Variants in FBXL13 observed in about 807,000 individuals in gnomAD.
FBXL13 encodes F-box and leucine-rich repeat protein 13.
In FBXL13, 67 loss-of-function variants were observed where a neutral mutation model predicts 83.6. The ratio of observed to expected loss-of-function variants is 0.80; its 90% CI spans 0.66 to 0.98. The LOEUF (loss-of-function observed/expected upper bound fraction) is 0.98, where lower values mean the gene tolerates loss of function less well. Among genes scored for constraint, FBXL13 ranks in the 50% least tolerant of loss-of-function variants. The pLI, the probability that FBXL13 is intolerant of heterozygous loss-of-function variation, is 0.00. For missense variants in FBXL13, 822 were observed against 866.5 expected, an observed-to-expected ratio of 0.95 and a Z score of 0.64; for synonymous variants, 272 against 299.5, an observed-to-expected ratio of 0.91 and a Z score of 0.95.
chr7:103,045,781 C>T (rs537194961), intron 2 of FBXL13, among the ~76,000 whole-genome samples: 1 of 152,216 alleles, frequency 6.6e-6, no homozygotes, highest in Non-Finnish European at 1.5e-5. Context: ...AAGATTCCCC[C>T]CTTTTTGGTC....
In FBXL13 at chr7:103,060,942, G is replaced by A. The variant is rs118077211; in HGVS notation, c.-104-5195C>T. Among the ~76,000 whole-genome samples, 29 of 152,274 alleles carry A rather than the reference G, an allele frequency of 1.9e-4. No individual in the cohort carries two copies. In the East Asian group the frequency reaches 3.9e-3, roughly 20 times the overall value. On this transcript the variant is annotated intron_variant, in intron 1 of 19. Coordinates refer to ENST00000313221, the Ensembl canonical transcript of FBXL13. ...TGTGGGACGGAGATGGAGGTAGCACGCTGTTGTTTTGGGAGATATCTTAAT... is the reference window on the plus strand; with the variant it reads ...TGTGGGACGGAGATGGAGGTAGCACACTGTTGTTTTGGGAGATATCTTAAT...
At chr7:102,845,364 T>C (rs755826585) in intron 17 of FBXL13, among the ~76,000 whole-genome samples, 2 of 152,114 alleles carry the variant, frequency 1.3e-5, no homozygotes, top group Non-Finnish European at 2.9e-5. Context: ...CCCCTATTGC[T>C]CAGAAAGTTA....
At chr7:102,996,777 T>C (rs1463618989) in intron 6 of FBXL13, among the ~76,000 whole-genome samples, 1 of 151,868 alleles carries the variant, frequency 6.6e-6, no homozygotes, top group Non-Finnish European at 1.5e-5. Context: ...GGAGGTGGAG[T>C]AGACATATTG....
chr7:102,819,954 C>T (rs930066647), intron 19 of FBXL13, among the ~76,000 whole-genome samples: 1 of 152,202 alleles, frequency 6.6e-6, no homozygotes, highest in Non-Finnish European at 1.5e-5. Flanking sequence ...GGCCCCCTTA[C>T]AGCTTCTCTA....
At chr7:102,818,612 A>G (rs1266258035) in intron 19 of FBXL13, among the ~76,000 whole-genome samples, 3 of 152,164 alleles carry the variant, frequency 2.0e-5, no homozygotes, top group Non-Finnish European at 4.4e-5. Context: ...CCTGAGCAGT[A>G]GGGACTGTCC....
At chr7:102,953,028 G>C (rs1167474865) in intron 8 of FBXL13, among the ~76,000 whole-genome samples, 2 of 151,962 alleles carry the variant, frequency 1.3e-5, no homozygotes, top group Non-Finnish European at 2.9e-5. Context: ...CTCCAACAGA[G>C]AGCCTAGGAC....
intron 1 of FBXL13, among the ~76,000 whole-genome samples, chr7:103,060,645 G>T (rs1363468256): frequency 6.6e-6 from 1 of 152,166 alleles, no homozygotes; most frequent in Non-Finnish European, 1.5e-5. Context: ...AAAAACAAAT[G>T]TAAGACACTT....
chr7:102,978,456 G>C (rs1827790009), intron 6 of FBXL13: 1 of 153,648 alleles, frequency 6.5e-6, no homozygotes, highest in South Asian at 2.0e-4. Context: ...AAGAGAGCCG[G>C]CCAGAAGACA....
intron 16 of FBXL13, among the ~76,000 whole-genome samples, chr7:102,867,295 C>T (rs1807791784): frequency 6.6e-6 from 1 of 152,012 alleles, no homozygotes; most frequent in South Asian, 2.1e-4. Flanking sequence ...AAAGTTGAGG[C>T]TGCAGTGAGC....
At chr7:102,955,084 T>C (rs1452108314) in intron 8 of FBXL13, among the ~76,000 whole-genome samples, 1 of 152,176 alleles carries the variant, frequency 6.6e-6, no homozygotes, top group East Asian at 1.9e-4. Flanking sequence ...ATCAACAGAA[T>C]ATACATTCTT....
chr7:103,016,865 G>C (rs529627357), intron 6 of FBXL13, among the ~76,000 whole-genome samples: 24 of 152,198 alleles, frequency 1.6e-4, no homozygotes, highest in Non-Finnish European at 2.9e-4. Context: ...AGCTCCAGGA[G>C]GCCTACCTGC....
intron 17 of FBXL13, among the ~76,000 whole-genome samples, chr7:102,840,480 G>A (rs558113454): frequency 1.3e-5 from 2 of 152,298 alleles, no homozygotes; most frequent in Admixed American, 1.3e-4. Context: ...AAAATAATCA[G>A]CCAGAAAGAG....
chr7:102,841,968 G>A (rs2129449307), intron 17 of FBXL13, among the ~76,000 whole-genome samples: 2 of 152,252 alleles, frequency 1.3e-5, no homozygotes, highest in Middle Eastern at 6.8e-3. Context: ...TCTACCAGAG[G>A]AATTCCTTAG....
intron 6 of FBXL13, among the ~76,000 whole-genome samples, chr7:102,976,734 C>T (rs1412984786): frequency 2.0e-5 from 3 of 152,144 alleles, no homozygotes; most frequent in Non-Finnish European, 2.9e-5. Context: ...ACAGGCCTAA[C>T]GCCTATCATT....
chr7:102,947,630 T>C (rs1822739931), intron 8 of FBXL13, among the ~76,000 whole-genome samples: 1 of 152,182 alleles, frequency 6.6e-6, no homozygotes, highest in Admixed American at 6.5e-5. Flanking sequence ...TTATAGTTAC[T>C]CTTGTAACTT....
At chr7:103,017,036 G>T (rs909109704) in intron 6 of FBXL13, among the ~76,000 whole-genome samples, 11 of 152,338 alleles carry the variant, frequency 7.2e-5, no homozygotes, top group South Asian at 2.1e-4. Context: ...CGTCAAGTGG[G>T]TCCCTGACCT....
At chr7:102,916,768 A>G (rs745634700) in intron 10 of FBXL13, among the ~76,000 whole-genome samples, 4 of 146,914 alleles carry the variant, frequency 2.7e-5, no homozygotes, top group Non-Finnish European at 5.9e-5. Flanking sequence ...ATCTTTTTCT[A>G]ATTATTTGAT....
chr7:102,879,889 G>A (rs1345188501), intron 14 of FBXL13, among the ~76,000 whole-genome samples: 2 of 152,080 alleles, frequency 1.3e-5, no homozygotes, highest in African/African-American at 2.4e-5. Context: ...TGTATTTTTA[G>A]TAGAGACGGG....
At chr7:103,049,518 C>T (rs890295010) in intron 2 of FBXL13, among the ~76,000 whole-genome samples, 2 of 152,176 alleles carry the variant, frequency 1.3e-5, no homozygotes, top group African/African-American at 4.8e-5. Flanking sequence ...TATAACTACA[C>T]AGACAAACCA....
Sources: allele counts gnomAD v4.1 joint callset (sites outside exome capture counted in the v4.1 genomes callset), GRCh38; gene constraint gnomAD v4.1.1; transcripts MANE v1.5; gene names NCBI Gene and HGNC (gene_info 2026-07-23, HGNC 2026-07-21).